Variants in GPM6A observed in about 807,000 individuals in gnomAD.
GPM6A encodes neuronal membrane glycoprotein M6-a.
A neutral mutation model predicts 32.1 loss-of-function variants in GPM6A; 7 were observed. The ratio of observed to expected loss-of-function variants is 0.22; its 90% CI spans 0.12 to 0.41. GPM6A has a LOEUF of 0.41. Among genes scored for constraint, GPM6A ranks in the 10% least tolerant of loss-of-function variants. The pLI, the probability that GPM6A is intolerant of heterozygous loss-of-function variation, is 1.00. For synonymous variants in GPM6A, 130 were observed against 123.4 expected (o/e 1.05, Z -0.35); for missense variants, 235 against 347.2 (o/e 0.68, Z 2.57).
chr4:175,838,701 C>T (rs1450503893), intron 1 of GPM6A, among the ~76,000 whole-genome samples: 1 of 129,946 alleles, frequency 7.7e-6, no homozygotes, highest in Non-Finnish European at 1.5e-5. Context: ...ATCACCCAGG[C>T]TGGAGTGCTG....
intron 1 of GPM6A, among the ~76,000 whole-genome samples, chr4:175,893,004 C>T (rs1737692184): frequency 6.6e-6 from 1 of 152,214 alleles, no homozygotes; most frequent in Non-Finnish European, 1.5e-5. Flanking sequence ...CACTGTTCTG[C>T]TCCCTTTGCT....
At chr4:175,995,841 T>A (rs1741292170) in intron 1 of GPM6A, among the ~76,000 whole-genome samples, 1 of 152,200 alleles carries the variant, frequency 6.6e-6, no homozygotes, top group African/African-American at 2.4e-5. Flanking sequence ...GAAAAAGAAT[T>A]TGTTTTATCA....
intron 1 of GPM6A, among the ~76,000 whole-genome samples, chr4:175,804,625 T>C (rs1418786616): frequency 6.6e-6 from 1 of 152,220 alleles, no homozygotes; most frequent in African/African-American, 2.4e-5. Context: ...GCCTGGATTA[T>C]TAAATATTAG....
chr4:175,837,684 G>T (rs908445158), intron 1 of GPM6A, among the ~76,000 whole-genome samples: 2 of 152,194 alleles, frequency 1.3e-5, no homozygotes, highest in East Asian at 3.9e-4. Flanking sequence ...AATGAGACAG[G>T]GACAACGGCA....
intron 1 of GPM6A, among the ~76,000 whole-genome samples, chr4:175,937,627 G>A (rs1035190964): frequency 7.2e-5 from 11 of 152,114 alleles, no homozygotes; most frequent in African/African-American, 2.7e-4. Flanking sequence ...GTTGAAAACA[G>A]TGATCACCTA....
intron 1 of GPM6A, among the ~76,000 whole-genome samples, chr4:175,799,831 C>A (rs529047500): frequency 6.6e-6 from 1 of 151,152 alleles, no homozygotes. Context: ...CCCGCCACCG[C>A]GCCCGGCTAA....
At chr4:175,879,300 C>G (rs1444811948) in intron 1 of GPM6A, among the ~76,000 whole-genome samples, 1 of 152,222 alleles carries the variant, frequency 6.6e-6, no homozygotes, top group African/African-American at 2.4e-5. Flanking sequence ...GGTAACTTCA[C>G]AGCAGCACCC....
chr4:175,796,639 C>A (rs1734241210), intron 1 of GPM6A, among the ~76,000 whole-genome samples: 1 of 152,194 alleles, frequency 6.6e-6, no homozygotes, highest in Non-Finnish European at 1.5e-5. Flanking sequence ...ACCACTCACC[C>A]TATTTGATTG....
upstream of GPM6A, chr4:175,812,276 C>T: frequency 8.9e-7 from 1 of 1,127,924 alleles, no homozygotes. Context: ...ATCAAAAGCT[C>T]AATTAGATGT....
intron 1 of GPM6A, among the ~76,000 whole-genome samples, chr4:175,893,876 G>A (rs536264182): frequency 9.9e-5 from 15 of 151,848 alleles, no homozygotes; most frequent in East Asian, 5.8e-4. Context: ...GCTAAAACTC[G>A]GTAAGAAAAA....
intron 1 of GPM6A, among the ~76,000 whole-genome samples, chr4:175,820,310 T>G (rs1021888918): frequency 1.3e-4 from 20 of 152,248 alleles, no homozygotes; most frequent in African/African-American, 4.8e-4. Context: ...TCTAACTGCA[T>G]TCCTTTCCTT....
chr4:175,740,408 T>C (rs1731843471), intron 1 of GPM6A, among the ~76,000 whole-genome samples: 1 of 152,038 alleles, frequency 6.6e-6, no homozygotes, highest in African/African-American at 2.4e-5. Flanking sequence ...AACCTAACAT[T>C]ATTATTTAAG....
intron 1 of GPM6A, among the ~76,000 whole-genome samples, chr4:175,852,851 C>T (rs1736300564): frequency 6.6e-6 from 1 of 152,166 alleles, no homozygotes; most frequent in Non-Finnish European, 1.5e-5. Flanking sequence ...ACATTTCACA[C>T]ATCCTTACAG....
At chr4:175,828,341 T>C (rs1735501723) in intron 1 of GPM6A, among the ~76,000 whole-genome samples, 1 of 152,174 alleles carries the variant, frequency 6.6e-6, no homozygotes, top group Non-Finnish European at 1.5e-5. Context: ...GTGTCAAAAA[T>C]TTAGCAGGGG....
At chr4:175,837,946 T>C (rs59634102) in intron 1 of GPM6A, among the ~76,000 whole-genome samples, 4,818 of 152,066 alleles carry the variant, frequency 0.032, 244 homozygotes, top group African/African-American at 0.11. Context: ...AACACAATAA[T>C]GGTACAACTT....
At position 175,673,701 on chromosome 4, in the gene GPM6A, A is replaced by C. The variant is rs1429961790; in HGVS notation, c.366T>G (p.Cys122Trp). 6.2e-7 allele frequency: 1 copy of C among 1,610,404 alleles called. No homozygotes were observed. The highest frequency in any genetic ancestry group is 1.1e-5 in the South Asian group (1 of 90,704). ...ATACCCAAGCGCTCACACATCTGCC[A>C]CAAGTGGTGATTTTGAAATCCCCAT... is the stretch of plus-strand genomic sequence containing the variant. ...DLYGDFKITT[C>W]GRCVSAWFIM... The change falls in exon 3 of 7, where the codon TGT (cysteine) becomes TGG (tryptophan). Residue 122 changes from cysteine (C) to tryptophan (W), a missense_variant. By Grantham distance (215) the Cys-to-Trp change is radical (BLOSUM62 -2). Coordinates refer to ENST00000393658, the MANE Select transcript of GPM6A (RefSeq NM_201591.3).
intron 1 of GPM6A, among the ~76,000 whole-genome samples, chr4:175,751,057 A>G (rs771073592): frequency 1.3e-5 from 2 of 152,178 alleles, no homozygotes; most frequent in African/African-American, 4.8e-5. Context: ...GAGACTTGAG[A>G]TGATATGATC....
At position 175,987,769 on chromosome 4, in the gene GPM6A, A is replaced by G. The variant is rs1471204392; in HGVS notation, c.-23+14540T>C. ...TGGTTCTAAATCAAAAATTGCCATG[A>G]AACTGTCATGAATTTGCCAAGGAAG... On this transcript the variant is annotated intron_variant, in intron 1 of 7. Transcript: ENST00000280187. 3.9e-5 allele frequency among the ~76,000 whole-genome samples: 6 copies of G among 152,170 alleles called. No individual in the cohort carries two copies. In the East Asian group the frequency reaches 1.2e-3, roughly 29 times the overall value.
intron 3 of GPM6A, among the ~76,000 whole-genome samples, chr4:175,659,386 C>T (rs989952906): frequency 6.6e-6 from 1 of 151,866 alleles, no homozygotes; most frequent in Non-Finnish European, 1.5e-5. Flanking sequence ...GGCGGAGATA[C>T]CTTTTTTTAA....
Sources: allele counts gnomAD v4.1 joint callset (sites outside exome capture counted in the v4.1 genomes callset), GRCh38; gene constraint gnomAD v4.1.1; transcripts MANE v1.5; gene names NCBI Gene and HGNC (gene_info 2026-07-23, HGNC 2026-07-21).